SHOC1: variants seen among roughly 807,000 people sequenced by gnomAD.
The protein encoded by SHOC1 is shortage in chiasmata 1.
A neutral mutation model predicts 179.2 loss-of-function variants in SHOC1; 136 were observed. The ratio of observed to expected loss-of-function variants is 0.76; its 90% confidence interval spans 0.66 to 0.87. SHOC1 has a LOEUF of 0.87. SHOC1 is among the 40% of genes least tolerant of loss of function. The pLI, the probability that SHOC1 is intolerant of heterozygous loss-of-function variation, is 0.00. For synonymous variants in SHOC1, 489 were observed against 586.6 expected (o/e 0.83, Z 2.41); for missense variants, 1,538 against 1,700.8 (o/e 0.90, Z 1.68).
rs1832287226 is a variant in SHOC1, at chr9:111,706,610, A to G, written c.2695T>C (p.Tyr899His). 2 of 1,598,524 alleles carry G rather than the reference A, an allele frequency of 1.3e-6. No individual in the cohort carries two copies. The highest frequency in any genetic ancestry group is 2.3e-5 in the South Asian group (2 of 88,396). ...TKHCKELNIP[Y>H]MAFKVILPDT... ...GGAAGAATCACTTTAAAGGCCATGT[A>G]AGGAATATTCAACTCTTTGCAGTGT... The change falls in exon 20 of 28, where the codon TAC (tyrosine) becomes CAC (histidine). Residue 899 changes from tyrosine (Y) to histidine (H), a missense_variant. Physicochemically the swap from Tyr to His is moderately conservative, Grantham distance 83. Transcript: ENST00000682961.
intron 2 of SHOC1, among the ~76,000 whole-genome samples, chr9:111,790,945 C>T (rs140242555): frequency 8.1e-4 from 124 of 152,320 alleles, no homozygotes; most frequent in African/African-American, 2.6e-3. Flanking sequence ...GCAAAATTAT[C>T]ATATACAAGT....
At chr9:111,713,003 G>T in intron 18 of SHOC1, 97 bp downstream of exon 18, 1 of 765,588 alleles carries the variant, frequency 1.3e-6, no homozygotes, top group Non-Finnish European at 2.2e-6. Context: ...TTCATGCTAT[G>T]TTAATTATGT....
chr9:111,733,455 T>C (rs1833681648), intron 12 of SHOC1, among the ~76,000 whole-genome samples: 1 of 152,212 alleles, frequency 6.6e-6, no homozygotes, highest in Admixed American at 6.5e-5. Context: ...CTGTCTAATG[T>C]GGTAAGCTGC....
At position 111,758,521 on chromosome 9, in the gene SHOC1, G is replaced by T. The variant is rs140774062; in HGVS notation, c.596+174C>A. ...GGAGAATCGCATGTGCCCAGGAGGC[G>T]GAGGTTGCAGTGAGCCGAGATTGCG... On this transcript the variant is annotated intron_variant, in intron 6 of 27. Coordinates refer to ENST00000682961, the MANE Select transcript of SHOC1 (RefSeq NM_001378211.1). Among the ~76,000 whole-genome samples, 41 of 152,310 alleles carry T rather than the reference G, an allele frequency of 2.7e-4. 1 individual carries two copies. The East Asian group carries it at 7.7e-3, about 29-fold the overall frequency.
At position 111,692,228 on chromosome 9, in the gene SHOC1, T is replaced by C. The variant is rs1440950744; in HGVS notation, c.3749A>G (p.Asn1250Ser). 5.0e-6 allele frequency: 8 copies of C among 1,613,662 alleles called. No homozygotes were observed. Among genetic ancestry groups the C allele is most frequent in the Non-Finnish European group, 6.8e-6 (8 of 1,179,620 alleles). Residue 1250 changes from asparagine to serine, a missense_variant, in exon 27 of 28, where the codon AAT becomes AGT. Physicochemically the swap from Asn to Ser is conservative, Grantham distance 46 (BLOSUM62 1). Transcript: ENST00000682961. Reference protein sequence around the residue: ...SSFLPPVTSYNQTSYWKDSSC... With the variant: ...SSFLPPVTSYSQTSYWKDSSC... The stretch of plus-strand genomic sequence containing the variant: ...GGAGTCTTTCCAGTAGCTGGTCTGA[T>C]TGTATGAAGTCACAGGTGGTAAAAA...
At position 111,758,074 on chromosome 9, in the gene SHOC1, G is replaced by C; in HGVS notation, c.708+10C>G. 4 of 1,342,318 alleles carry C rather than the reference G, an allele frequency of 3.0e-6. No homozygotes were observed. Among genetic ancestry groups the C allele is most frequent in the Non-Finnish European group, 4.1e-6 (4 of 966,228 alleles). 83.2% of individuals were successfully genotyped at this position (1,342,318 alleles called of 1,614,324 possible). A position where few individuals can be genotyped will look rare whatever the true frequency, so the allele number is the denominator to read the frequency against. On this transcript the variant is annotated intron_variant, in intron 7 of 27. Coordinates refer to ENST00000682961, the MANE Select transcript of SHOC1 (RefSeq NM_001378211.1). Reference sequence around the variant, plus strand: ...TTTACTAAAATATTATTGAAAGCCAGTATTACAACCTCATTTAAACATATT... The same window carrying C: ...TTTACTAAAATATTATTGAAAGCCACTATTACAACCTCATTTAAACATATT...
At chr9:111,707,458 T>C (rs1316929698) in intron 19 of SHOC1, among the ~76,000 whole-genome samples, 1 of 152,070 alleles carries the variant, frequency 6.6e-6, no homozygotes, top group African/African-American at 2.4e-5. Flanking sequence ...CAACACTTGA[T>C]TTATTATTAG....
chr9:111,763,340 C>A (rs1045481465), intron 5 of SHOC1, among the ~76,000 whole-genome samples: 3 of 151,820 alleles, frequency 2.0e-5, no homozygotes, highest in South Asian at 4.1e-4. Flanking sequence ...ATGTATCCAG[C>A]CTAATATATA....
Position 111,691,710 on chromosome 9 carries a change from G to GT in SHOC1, c.4266dup (p.Pro1423ThrfsTer13). On this transcript the variant is annotated frameshift_variant, in exon 27 of 28. Coordinates refer to ENST00000682961, the MANE Select transcript of SHOC1 (RefSeq NM_001378211.1). LOFTEE classifies it high-confidence loss of function. ...AATAAATCCAAACTGGGGACAGATG[G>GT]TAATTCTCTCCAGAAAGTCTCATCT... The GT allele has an allele frequency of 6.2e-7, 1 of 1,613,972 alleles. No homozygotes were observed. The highest frequency in any genetic ancestry group is 8.5e-7 in the Non-Finnish European group (1 of 1,179,936).
At chr9:111,780,870 G>A in intron 4 of SHOC1, 60 bp downstream of exon 4, 1 of 1,163,706 alleles carries the variant, frequency 8.6e-7, no homozygotes, top group Non-Finnish European at 1.3e-6. Context: ...GGTATCTGGA[G>A]AACTTACTGT....
intron 5 of SHOC1, among the ~76,000 whole-genome samples, chr9:111,773,606 C>G (rs1835710295): frequency 6.6e-6 from 1 of 152,174 alleles, no homozygotes; most frequent in South Asian, 2.1e-4. Flanking sequence ...GCTACTGTGG[C>G]TGGCCTAACT....
rs538133232 is a variant in SHOC1 at position 111,755,842 on chromosome 9, G to A, written c.862+483C>T. On this transcript the variant is annotated intron_variant, in intron 8 of 27. Coordinates refer to ENST00000682961, the MANE Select transcript of SHOC1 (RefSeq NM_001378211.1). ...TGAAAGTCATACAAAGAGAATGACG[G>A]CTGGGTGCAGTGGCTCATGCCTACA... Among the ~76,000 whole-genome samples, 3 of 152,254 alleles carry A rather than the reference G, an allele frequency of 2.0e-5. No individual in the cohort carries two copies. The East Asian group carries it at 5.8e-4, about 29-fold the overall frequency.
intron 8 of SHOC1, among the ~76,000 whole-genome samples, chr9:111,754,381 T>G (rs1372878289): frequency 6.6e-6 from 1 of 152,168 alleles, no homozygotes; most frequent in Non-Finnish European, 1.5e-5. Flanking sequence ...TCCTTATCCA[T>G]CTGGAAAATG....
intron 1 of SHOC1, among the ~76,000 whole-genome samples, chr9:111,793,311 CT>C (rs1172509695): frequency 6.6e-6 from 1 of 152,220 alleles, no homozygotes; most frequent in Non-Finnish European, 1.5e-5. Context: ...ACTTTACTGA[CT>C]TTACCCATTC....
chr9:111,773,390 G>A, intron 5 of SHOC1, among the ~76,000 whole-genome samples: 1 of 151,806 alleles, frequency 6.6e-6, no homozygotes, highest in Middle Eastern at 3.2e-3. Context: ...TCGGCTCATG[G>A]CAACCTCTGC....
intron 27 of SHOC1, 61 bp from the exon 28 acceptor site, chr9:111,686,931 T>C: frequency 9.2e-7 from 1 of 1,084,770 alleles, no homozygotes; most frequent in Middle Eastern, 2.1e-4. Flanking sequence ...TATAGGTTTT[T>C]TCTTTTCCTT....
intron 5 of SHOC1, among the ~76,000 whole-genome samples, chr9:111,772,093 T>A (rs1309918941): frequency 6.6e-6 from 1 of 152,128 alleles, no homozygotes; most frequent in African/African-American, 2.4e-5. Context: ...TTCTTTTTCT[T>A]TCTTTTTTCT....
chr9:111,785,799 G>A (rs2131643527), intron 3 of SHOC1, 113 bp downstream of exon 3: 2 of 824,526 alleles, frequency 2.4e-6, no homozygotes, highest in Non-Finnish European at 3.4e-6. Flanking sequence ...TCTGACATGA[G>A]TAGATGCAAT....
intron 15 of SHOC1, among the ~76,000 whole-genome samples, chr9:111,721,815 G>T (rs1339466043): frequency 6.6e-6 from 1 of 151,966 alleles, no homozygotes; most frequent in African/African-American, 2.4e-5. Flanking sequence ...TTGTCTACCA[G>T]GCTCTGCCTC....
Sources: gnomAD v4.1 joint callset for allele counts (sites outside exome capture counted in the v4.1 genomes callset) on GRCh38, gnomAD v4.1.1 for gene constraint, MANE v1.5 for transcripts, NCBI Gene and HGNC (gene_info 2026-07-23, HGNC 2026-07-21) for gene names.